PLEKHA4: variants seen among roughly 807,000 people sequenced by gnomAD.
PLEKHA4 encodes the protein pleckstrin homology domain-containing family A member 4.
A neutral mutation model predicts 94.7 loss-of-function variants in PLEKHA4; 73 were observed. The observed-to-expected ratio is 0.77, with a 90% CI of 0.64 to 0.94. The LOEUF is 0.94. Among genes scored for constraint, PLEKHA4 ranks in the 40% least tolerant of loss-of-function variants. The pLI, the probability that PLEKHA4 is intolerant of heterozygous loss-of-function variation, is 0.00. For synonymous variants in PLEKHA4, 449 were observed against 437.1 expected (o/e 1.03, Z -0.34); for missense variants, 1,049 against 1,054.1 (o/e 1.00, Z 0.07).
intron 16 of PLEKHA4, among the ~76,000 whole-genome samples, chr19:48,844,079 G>A (rs1417890929): frequency 6.6e-6 from 1 of 151,288 alleles, no homozygotes; most frequent in Non-Finnish European, 1.5e-5. Flanking sequence ...GGGATTACAG[G>A]CATGAGCCAA....
At chr19:48,851,700 A>G (rs1388576235) in intron 13 of PLEKHA4, among the ~76,000 whole-genome samples, 1 of 151,856 alleles carries the variant, frequency 6.6e-6, no homozygotes, top group East Asian at 1.9e-4. Flanking sequence ...CATGCTTGCA[A>G]TCCCAGCACT....
At chr19:48,865,322 G>A (rs564885828) in intron 3 of PLEKHA4, among the ~76,000 whole-genome samples, 181 bp downstream of exon 3, 5 of 152,202 alleles carry the variant, frequency 3.3e-5, no homozygotes, top group Admixed American at 2.6e-4. Flanking sequence ...CAGCCTGGGC[G>A]ACAGAAAGAG....
Position 48,837,616 on chromosome 19 carries a change from C to A in PLEKHA4, c.2078-65G>T. The A allele has an allele frequency of 6.3e-7, 1 of 1,576,454 alleles. No individual in the cohort carries two copies. Among genetic ancestry groups the A allele is most frequent in the South Asian group, 1.1e-5 (1 of 88,458 alleles). On this transcript the variant is annotated intron_variant, in intron 19 of 19. Transcript: ENST00000263265. The surrounding 1 kb of genome is among the most constrained non-coding windows in gnomAD (Gnocchi z 4.3). Reference sequence around the variant, plus strand: ...GCGCTAGGACCCCGGATTCCCAGCCCCTCCTCCCTCAGACCCAGGACTCCG... The same window carrying A: ...GCGCTAGGACCCCGGATTCCCAGCCACTCCTCCCTCAGACCCAGGACTCCG...
intron 3 of PLEKHA4, among the ~76,000 whole-genome samples, chr19:48,863,638 C>G (rs1282059140): frequency 6.6e-6 from 1 of 151,504 alleles, no homozygotes; most frequent in African/African-American, 2.4e-5. Context: ...TGGGGGTTCA[C>G]CGTGTTAGCC....
intron 17 of PLEKHA4, 25 bp from the exon 18 acceptor site, chr19:48,839,288 A>G: frequency 3.3e-6 from 5 of 1,516,106 alleles, no homozygotes; most frequent in Non-Finnish European, 4.5e-6. Flanking sequence ...GGGCATTAGA[A>G]CTCCTCACCT....
In PLEKHA4 at chr19:48,867,726, G is replaced by T; in HGVS notation, c.-6-100C>A. 1 of 1,166,420 alleles carries T rather than the reference G, an allele frequency of 8.6e-7. No homozygotes were observed. Among genetic ancestry groups the T allele is most frequent in the East Asian group, 2.6e-5 (1 of 38,758 alleles). 72.3% of individuals were successfully genotyped at this position (1,166,420 alleles called of 1,614,324 possible). ...GGTCGGAGGAGGCTGCAGAGAAAGA[G>T]CCTGTTGTTTCGGGACTTGGGGGGC... On this transcript the variant is annotated intron_variant, in intron 1 of 19. Coordinates refer to ENST00000263265, the MANE Select transcript of PLEKHA4 (RefSeq NM_020904.3). The surrounding 1 kb of genome is among the most constrained non-coding windows in gnomAD (Gnocchi z 4.7).
Position 48,849,604 on chromosome 19 carries a change from C to T in PLEKHA4, c.1426-1564G>A, listed in dbSNP as rs371389257. Among the ~76,000 whole-genome samples the T allele has an allele frequency of 4.7e-3, 723 of 152,256 alleles. 6 individuals are homozygous for T. Among genetic ancestry groups the T allele is most frequent in the African/African-American group, 0.017 (692 of 41,550 alleles). Reference sequence around the variant, plus strand: ...GACTACAGGCGTGAGCCAACACGCCCGGCCGTGTCAATGTTTTTAAAGATA... The same window carrying T: ...GACTACAGGCGTGAGCCAACACGCCTGGCCGTGTCAATGTTTTTAAAGATA... On this transcript the variant is annotated intron_variant, in intron 13 of 19. Transcript: ENST00000263265.
At chr19:48,850,345 A>T (rs1485777566) in intron 13 of PLEKHA4, among the ~76,000 whole-genome samples, 2 of 151,620 alleles carry the variant, frequency 1.3e-5, no homozygotes, top group African/African-American at 2.4e-5. Flanking sequence ...CTCTACTAAA[A>T]ATACAAAAAT....
rs757137149 is a variant in PLEKHA4, at chr19:48,861,673, A to T, written c.212T>A (p.Leu71His). ...LHKQDSSGLR[L>H]WKRRWFVLSG... The stretch of plus-strand genomic sequence containing the variant: ...GAGGACGAACCAGCGGCGTTTCCAG[A>T]GACGGAGCCCCGAGCTGTCCTGGGG... Residue 71 changes from leucine to histidine, a missense_variant, in exon 4 of 20, where the codon CTC becomes CAC. Coordinates refer to ENST00000263265, the MANE Select transcript of PLEKHA4 (RefSeq NM_020904.3). 57 of 1,614,018 alleles carry T rather than the reference A, an allele frequency of 3.5e-5. No homozygotes were observed. In the East Asian group the frequency reaches 1.1e-3, roughly 32 times the overall value.
intron 13 of PLEKHA4, among the ~76,000 whole-genome samples, chr19:48,851,221 T>A (rs2036172172): frequency 6.6e-6 from 1 of 152,208 alleles, no homozygotes; most frequent in Non-Finnish European, 1.5e-5. Flanking sequence ...GACACCCCAT[T>A]TTCCATGATG....
chr19:48,865,665 G>T, intron 2 of PLEKHA4, 55 bp from the exon 3 acceptor site: 1 of 1,306,254 alleles, frequency 7.7e-7, no homozygotes, highest in Non-Finnish European at 1.1e-6. Flanking sequence ...GGTCCTGGGA[G>T]GGGGTGAGGG....
rs1393358365 is a variant in PLEKHA4, at chr19:48,837,567, G to A, written c.2078-16C>T. On this transcript the variant is annotated splice_polypyrimidine_tract_variant and intron_variant, in intron 19 of 19. Transcript: ENST00000263265. The surrounding 1 kb of genome is among the most constrained non-coding windows in gnomAD (Gnocchi z 4.3). The stretch of plus-strand genomic sequence containing the variant: ...AAATTTCCACCTGGAGAGGATGAGT[G>A]GGACATGAGAATGGCAAACCTCAGC... 2 of 1,612,908 alleles carry A rather than the reference G, an allele frequency of 1.2e-6. No individual in the cohort carries two copies. Among genetic ancestry groups the A allele is most frequent in the Non-Finnish European group, 1.7e-6 (2 of 1,179,646 alleles).
chr19:48,862,164 T>C (rs2036666650), intron 3 of PLEKHA4, among the ~76,000 whole-genome samples: 1 of 150,920 alleles, frequency 6.6e-6, no homozygotes, highest in Non-Finnish European at 1.5e-5. Context: ...CTGAACATGA[T>C]AGAATAGAAT....
At chr19:48,844,123 TTATTATTATTATTATTA>T (rs2035871112) in intron 16 of PLEKHA4, among the ~76,000 whole-genome samples, 1 of 16,810 alleles carries the variant, frequency 5.9e-5, no homozygotes, top group African/African-American at 2.4e-4. Context: ...ATTTATTTTA[TTATTATTATTATTATTA>T]TTATTATTAT....
intron 14 of PLEKHA4, among the ~76,000 whole-genome samples, chr19:48,847,127 T>A (rs35017447): frequency 0.14 from 22,018 of 152,010 alleles, 2,008 homozygotes; most frequent in African/African-American, 0.26. Flanking sequence ...TCTAAGTGCA[T>A]TATATATATA....
rs2036870832 is a variant in PLEKHA4, at chr19:48,867,444, C to T, written c.84+93G>A. ...TCTGGCAGACCCCGTTGCTAAGGATCTTTGTCCTTAACAACCAGAGTCCTT... is the reference window on the plus strand; with the variant it reads ...TCTGGCAGACCCCGTTGCTAAGGATTTTTGTCCTTAACAACCAGAGTCCTT... On this transcript the variant is annotated intron_variant, in intron 2 of 19. Coordinates refer to ENST00000263265, the MANE Select transcript of PLEKHA4 (RefSeq NM_020904.3). The surrounding 1 kb of genome is among the most constrained non-coding windows in gnomAD (Gnocchi z 4.7). 7.1e-7 allele frequency: 1 copy of T among 1,409,438 alleles called. No individual in the cohort carries two copies. Among genetic ancestry groups the T allele is most frequent in the Admixed American group, 2.1e-5 (1 of 48,548 alleles). The allele number at this position is 1,409,438 out of a possible 1,614,324, so 87.3% of individuals were successfully genotyped here. A position where few individuals can be genotyped will look rare whatever the true frequency, so the allele number is the denominator to read the frequency against.
intron 13 of PLEKHA4, 76 bp from the exon 14 acceptor site, chr19:48,848,116 G>C: frequency 1.4e-6 from 2 of 1,447,458 alleles, no homozygotes; most frequent in Non-Finnish European, 1.9e-6. Flanking sequence ...CCCCTGCAAA[G>C]GTCTGAAATC....
At chr19:48,858,769 C>A in intron 8 of PLEKHA4, 91 bp downstream of exon 8, 4 of 1,424,448 alleles carry the variant, frequency 2.8e-6, no homozygotes, top group Non-Finnish European at 3.9e-6. Flanking sequence ...ATACCCATGA[C>A]ACCCAGGGAG....
rs1164351896 is a variant in PLEKHA4, at chr19:48,841,408, C to A, written c.1744-98G>T. ...TTGGGAGGCTGAGTAGAGAGGATCA[C>A]TTGAGGTCAGGAGTTGAAGACCAGC... is the stretch of plus-strand genomic sequence containing the variant. On this transcript the variant is annotated intron_variant, in intron 16 of 19. Coordinates refer to ENST00000263265, the MANE Select transcript of PLEKHA4 (RefSeq NM_020904.3). 10 of 1,316,156 alleles carry A rather than the reference C, an allele frequency of 7.6e-6. No individual in the cohort carries two copies. The African/African-American group carries it at 1.5e-4, about 20-fold the overall frequency. 81.5% of individuals were successfully genotyped at this position (1,316,156 alleles called of 1,614,324 possible).
Sources: allele counts gnomAD v4.1 joint callset (sites outside exome capture counted in the v4.1 genomes callset), GRCh38; gene constraint gnomAD v4.1.1; non-coding constraint Gnocchi (gnomAD v3.1); transcripts MANE v1.5; gene names NCBI Gene and HGNC (gene_info 2026-07-23, HGNC 2026-07-21).